The following PRPF8 variants were observed in gnomAD, a reference collection of about 807,000 sequenced individuals.
PRPF8 encodes pre-mRNA-processing-splicing factor 8.
PRPF8 carries 64 observed loss-of-function variants against 285.9 expected under a neutral mutation model. That is an observed-to-expected ratio of 0.22 (90% CI 0.18 to 0.28). PRPF8 has a LOEUF of 0.28. PRPF8 is among the 10% of genes least tolerant of loss of function. PRPF8 has a pLI of 1.00. For missense variants in PRPF8, 1,426 were observed against 3,026.7 expected (o/e 0.47, Z 12.41); for synonymous variants, 1,325 against 1,118.2 (o/e 1.18, Z -3.69).
chr17:1,658,216 A>G lies in PRPF8; in HGVS notation c.5505+37T>C, dbSNP rs541039595. The G allele has an allele frequency of 4.2e-5, 68 of 1,613,762 alleles. No homozygotes were observed. Among genetic ancestry groups the G allele is most frequent in the Non-Finnish European group, 5.4e-5 (64 of 1,180,006 alleles). On this transcript the variant is annotated intron_variant, in intron 34 of 42. Transcript: ENST00000304992. The surrounding 1 kb of genome is among the most constrained non-coding windows in gnomAD (Gnocchi z 4.1). ...GTCCACCCCAAGAATAAGAGGCAAC[A>G]TGGTTCTACAGCCTCTTCATCTTTA...
At position 1,650,879 on chromosome 17, in the gene PRPF8, G is replaced by A; in HGVS notation, c.6931C>T (p.Pro2311Ser). ...PKEFYHEVHR[P>S]SHFLNFALLQ... ...AGAGCAAAGTTGAGGAAGTGAGAGG[G>A]CCTGTGCACCTCGTGGTAGAACTCT... Residue 2311 changes from proline to serine, a missense_variant, in exon 43 of 43, where the codon CCC becomes TCC. Coordinates refer to ENST00000304992, the MANE Select transcript of PRPF8 (RefSeq NM_006445.4). 6.2e-7 allele frequency: 1 copy of A among 1,614,174 alleles called. No individual in the cohort carries two copies. The highest frequency in any genetic ancestry group is 1.1e-5 in the South Asian group (1 of 91,090).
chr17:1,682,071 C>T, intron 4 of PRPF8, 33 bp from the exon 5 acceptor site: 2 of 1,613,436 alleles, frequency 1.2e-6, no homozygotes, highest in Non-Finnish European at 1.7e-6. Flanking sequence ...ACCATTTCTA[C>T]CCACTGCCTC....
At chr17:1,657,957 C>G (rs959898837) in intron 34 of PRPF8, among the ~76,000 whole-genome samples, 6 of 136,548 alleles carry the variant, frequency 4.4e-5, no homozygotes, top group Non-Finnish European at 7.6e-5. Context: ...GGCCACACAG[C>G]GAGACTCCGG....
intron 5 of PRPF8, 43 bp from the exon 6 acceptor site, chr17:1,681,733 C>G: frequency 1.9e-6 from 3 of 1,610,320 alleles, no homozygotes; most frequent in South Asian, 2.2e-5. Context: ...AGCAGCTAGA[C>G]AAACCCATAC....
Position 1,679,513 on chromosome 17 carries a change from A to T in PRPF8, c.1289+96T>A. 6.3e-7 allele frequency: 1 copy of T among 1,592,896 alleles called. No individual in the cohort carries two copies. The highest frequency in any genetic ancestry group is 8.5e-7 in the Non-Finnish European group (1 of 1,173,924). Reference sequence around the variant, plus strand: ...CTACCATTTTTATGGGAAAAAAAAAAAAAGAATTTAAAAAAAAGGCTACAT... The same window carrying T: ...CTACCATTTTTATGGGAAAAAAAAATAAAGAATTTAAAAAAAAGGCTACAT... On this transcript the variant is annotated intron_variant, in intron 9 of 42. Transcript: ENST00000304992. The surrounding 1 kb of genome is among the most constrained non-coding windows in gnomAD (Gnocchi z 4.7).
Position 1,675,869 on chromosome 17 carries a change from C to T in PRPF8, c.2680-57G>A. On this transcript the variant is annotated intron_variant, in intron 18 of 42. Transcript: ENST00000304992. This position sits in a 1 kb window ranked among gnomAD's most constrained non-coding sequence, Gnocchi z 6.0. ...CCACCAACTGCTACCTTTGGTAGAA[C>T]CAAAGGCAACTGCTACCTTTGGTAG... is the stretch of plus-strand genomic sequence containing the variant. 1 of 1,605,978 alleles carries T rather than the reference C, an allele frequency of 6.2e-7. No homozygotes were observed. Among genetic ancestry groups the T allele is most frequent in the Non-Finnish European group, 8.5e-7 (1 of 1,178,634 alleles).
chr17:1,654,167 G>A (rs1911224953), intron 37 of PRPF8, 151 bp from the exon 38 acceptor site: 1 of 1,153,704 alleles, frequency 8.7e-7, no homozygotes. Context: ...GTGTGAAACG[G>A]AGGTGCACTA....
chr17:1,678,398 G>A (rs578072357), intron 13 of PRPF8, 120 bp downstream of exon 13: 1 of 1,299,490 alleles, frequency 7.7e-7, no homozygotes, highest in Non-Finnish European at 1.1e-6. Context: ...CAGGAGAATT[G>A]CTTGAACTCA....
intron 24 of PRPF8, among the ~76,000 whole-genome samples, chr17:1,664,733 G>C (rs1222130903): frequency 6.6e-6 from 1 of 152,010 alleles, no homozygotes; most frequent in East Asian, 1.9e-4. Flanking sequence ...AATCAAAGCA[G>C]AAACTAATAA....
At chr17:1,684,351 G>A (rs1913111191) in intron 2 of PRPF8, 121 bp downstream of exon 2, 6 of 982,096 alleles carry the variant, frequency 6.1e-6, no homozygotes, top group South Asian at 1.3e-5. Flanking sequence ...AAAATTAACT[G>A]GAAATAACAA....
At chr17:1,684,237 G>GTAAGGA (rs1483267962) in intron 2 of PRPF8, among the ~76,000 whole-genome samples, 1 of 152,088 alleles carries the variant, frequency 6.6e-6, no homozygotes, top group Non-Finnish European at 1.5e-5. Flanking sequence ...TGTCTCTCCC[G>GTAAGGA]CTGTAATTTA....
Position 1,681,704 on chromosome 17 carries a change from G to GA in PRPF8, c.654-15dup. ...CCATTTACATACCTAGGTAAAAAAT[G>GA]AAAGGCCCACCTCAAGTAAGCAGCT... On this transcript the variant is annotated splice_polypyrimidine_tract_variant and intron_variant, in intron 5 of 42. Coordinates refer to ENST00000304992, the MANE Select transcript of PRPF8 (RefSeq NM_006445.4). 6.2e-7 allele frequency: 1 copy of GA among 1,613,512 alleles called. No homozygotes were observed. The highest frequency in any genetic ancestry group is 1.1e-5 in the South Asian group (1 of 91,074).
In PRPF8 at chr17:1,673,377, C is replaced by A; in HGVS notation, c.3637G>T (p.Val1213Phe). ...SYEEFTHKDG[V>F]WNLQNEVTKE... is the part of the protein sequence containing the mutation. Reference sequence around the variant, plus strand: ...TGTACCTCATTCTGCAGGTTCCAGACCCCGTCCTTGTGGGTGAACTCCTCA... The same window carrying A: ...TGTACCTCATTCTGCAGGTTCCAGAACCCGTCCTTGTGGGTGAACTCCTCA... Residue 1213 changes from valine to phenylalanine, a missense_variant, in exon 23 of 43, where the codon GTC (valine) becomes TTC (phenylalanine). Physicochemically the swap from Val to Phe is conservative, Grantham distance 50 (BLOSUM62 -1). Coordinates refer to ENST00000304992, the MANE Select transcript of PRPF8 (RefSeq NM_006445.4). The surrounding 1 kb of genome is among the most constrained non-coding windows in gnomAD (Gnocchi z 5.5). The A allele has an allele frequency of 1.2e-6, 2 of 1,614,126 alleles. No individual in the cohort carries two copies. Among genetic ancestry groups the A allele is most frequent in the Non-Finnish European group, 1.7e-6 (2 of 1,180,030 alleles).
chr17:1,653,523 G>C lies in PRPF8; in HGVS notation c.6369+19C>G. The stretch of plus-strand genomic sequence containing the variant: ...TGAGTTGGGCACACACTGTGGCCTA[G>C]CTGAGTCCACTTACTCACTTGGGCC... On this transcript the variant is annotated intron_variant, in intron 39 of 42. Coordinates refer to ENST00000304992, the MANE Select transcript of PRPF8 (RefSeq NM_006445.4). This position sits in a 1 kb window ranked among gnomAD's most constrained non-coding sequence, Gnocchi z 4.9. 2 of 1,614,164 alleles carry C rather than the reference G, an allele frequency of 1.2e-6. No homozygotes were observed. Among genetic ancestry groups the C allele is most frequent in the Non-Finnish European group, 1.7e-6 (2 of 1,179,992 alleles).
rs373156561 is a variant in PRPF8, at chr17:1,675,147, C to T, written c.3060+5G>A. 1.4e-5 allele frequency: 23 copies of T among 1,613,070 alleles called. No individual in the cohort carries two copies. Among genetic ancestry groups the T allele is most frequent in the African/African-American group, 8.0e-5 (6 of 74,892 alleles). On this transcript the variant is annotated splice_donor_5th_base_variant and intron_variant, in intron 20 of 42. Transcript: ENST00000304992. The surrounding 1 kb of genome is among the most constrained non-coding windows in gnomAD (Gnocchi z 6.0). ...CAATTCCATGCTACTGCGCCTGAGA[C>T]GCACCTTATAGTTGATGACGACGTT...
At chr17:1,656,191 G>C (rs1911372931) in intron 36 of PRPF8, among the ~76,000 whole-genome samples, 1 of 152,152 alleles carries the variant, frequency 6.6e-6, no homozygotes, top group South Asian at 2.1e-4. Flanking sequence ...CCAAAGTGCT[G>C]GGATTACGGG....
chr17:1,681,393 T>G (rs1000284703), intron 6 of PRPF8, 85 bp downstream of exon 6: 15 of 1,415,834 alleles, frequency 1.1e-5, no homozygotes, highest in Non-Finnish European at 1.4e-5. Flanking sequence ...ACAGACTAAT[T>G]TGGAAGTTAT....
At chr17:1,683,791 TGAGG>T in intron 2 of PRPF8, 90 bp from the exon 3 acceptor site, 9 of 1,512,574 alleles carry the variant, frequency 6.0e-6, no homozygotes, top group Non-Finnish European at 8.1e-6. Context: ...TCAGTGAGTG[TGAGG>T]GAGAAGCAGG....
chr17:1,671,587 C>T (rs1460201970), intron 24 of PRPF8, among the ~76,000 whole-genome samples: 2 of 151,932 alleles, frequency 1.3e-5, no homozygotes, highest in African/African-American at 4.8e-5. Flanking sequence ...TGTGGTGGCT[C>T]ACGCCTGTAA....
Sources: gnomAD v4.1 joint callset for allele counts (sites outside exome capture counted in the v4.1 genomes callset) on GRCh38, gnomAD v4.1.1 for gene constraint, Gnocchi (gnomAD v3.1) non-coding constraint, MANE v1.5 for transcripts, NCBI Gene and HGNC (gene_info 2026-07-23, HGNC 2026-07-21) for gene names.